TBCD: variants seen among roughly 807,000 people sequenced by gnomAD.
TBCD encodes the protein tubulin folding cofactor D, also known as tubulin-specific chaperone D.
TBCD carries 105 observed loss-of-function variants against 169.3 expected under a neutral mutation model. The observed-to-expected ratio is 0.62, with a 90% CI of 0.53 to 0.73. TBCD has a LOEUF of 0.73. Ranked by LOEUF, TBCD falls within the 30% of genes least tolerant of loss-of-function variation. TBCD has a pLI of 0.00. For missense variants in TBCD, 1,444 were observed against 1,600.1 expected, an observed-to-expected ratio of 0.90 and a Z score of 1.66; for synonymous variants, 700 against 643.9, an observed-to-expected ratio of 1.09 and a Z score of -1.32.
chr17:82,813,677 T>C (rs1394226340), intron 12 of TBCD, among the ~76,000 whole-genome samples: 1 of 152,242 alleles, frequency 6.6e-6, no homozygotes, highest in Non-Finnish European at 1.5e-5. Context: ...AACTAAATCT[T>C]TGTGAAAGGT....
At chr17:82,779,986 C>T (rs940179360) in intron 6 of TBCD, among the ~76,000 whole-genome samples, 6 of 152,156 alleles carry the variant, frequency 3.9e-5, no homozygotes, top group African/African-American at 7.2e-5. Context: ...GCATCACTGC[C>T]GTCTCCTTCC....
chr17:82,818,864 C>T (rs1369060145), intron 13 of TBCD, among the ~76,000 whole-genome samples: 6 of 152,128 alleles, frequency 3.9e-5, no homozygotes, highest in South Asian at 2.1e-4. Flanking sequence ...GCCAGGAGTT[C>T]GAGACCAGCC....
At position 82,807,651 on chromosome 17, in the gene TBCD, G is replaced by A. The variant is rs774118783; in HGVS notation, c.1131G>A (p.Arg377=). 9.7e-6 allele frequency: 15 copies of A among 1,551,102 alleles called. No individual in the cohort carries two copies. The highest frequency in any genetic ancestry group is 1.2e-5 in the Non-Finnish European group (14 of 1,147,172). ...TGAAGGACAAGGACACGGTCGTGCG[G>A]TGGTCTGCAGCCAAGGGGTAGGTGT... is the stretch of plus-strand genomic sequence containing the variant. The part of the protein sequence containing the change: ...VGLKDKDTVV[R]WSAAKGIGRM... The change falls in exon 11 of 39, where the codon CGG becomes CGA. Residue 377 remains arginine (R), a synonymous_variant. Transcript: ENST00000355528.
At chr17:82,840,513 C>T (rs978049921) in intron 13 of TBCD, 2 of 152,280 alleles carry the variant, frequency 1.3e-5, no homozygotes, top group Non-Finnish European at 2.9e-5. Flanking sequence ...CCACCCTCTA[C>T]CCTGCTCCTG....
chr17:82,896,962 G>A (rs2059532008), intron 17 of TBCD, among the ~76,000 whole-genome samples: 1 of 152,078 alleles, frequency 6.6e-6, no homozygotes, highest in African/African-American at 2.4e-5. Flanking sequence ...TGTCATGGGG[G>A]TGTGGGAGCA....
chr17:82,759,888 G>GTTT (rs71885635), intron 2 of TBCD, among the ~76,000 whole-genome samples: 1 of 121,496 alleles, frequency 8.2e-6, no homozygotes, highest in Non-Finnish European at 1.8e-5. Flanking sequence ...TCGTTTGTTT[G>GTTT]TTTTTTTTTT....
At chr17:82,772,308 A>T in intron 5 of TBCD, 144 bp from the exon 6 acceptor site, 2 of 780,102 alleles carry the variant, frequency 2.6e-6, no homozygotes, top group East Asian at 2.5e-5. Context: ...TTTTTTTTGC[A>T]GCTTTGGACT....
chr17:82,769,995 C>T (rs2048222960), intron 5 of TBCD, among the ~76,000 whole-genome samples: 1 of 151,974 alleles, frequency 6.6e-6, no homozygotes, highest in African/African-American at 2.4e-5. Flanking sequence ...CAATTCTTAC[C>T]CTCGTTTAAC....
chr17:82,928,249 A>G (rs752008758), intron 30 of TBCD, among the ~76,000 whole-genome samples: 5 of 152,270 alleles, frequency 3.3e-5, no homozygotes, highest in East Asian at 1.9e-4. Flanking sequence ...TGGGCCTCCA[A>G]CGGTGCTCTG....
intron 9 of TBCD, among the ~76,000 whole-genome samples, chr17:82,803,319 C>T (rs1052265565): frequency 6.6e-5 from 10 of 152,216 alleles, no homozygotes; most frequent in African/African-American, 1.4e-4. Context: ...CTTTCTCTCC[C>T]GTCCTGCTGG....
chr17:82,815,347 A>G (rs943345873), intron 13 of TBCD, among the ~76,000 whole-genome samples: 3 of 152,236 alleles, frequency 2.0e-5, no homozygotes, highest in Admixed American at 6.5e-5. Context: ...GGACACATGC[A>G]GTGGCACCTG....
chr17:82,878,549 G>C (rs185695989), intron 14 of TBCD, among the ~76,000 whole-genome samples: 1 of 32,854 alleles, frequency 3.0e-5, no homozygotes, highest in African/African-American at 6.8e-5. Context: ...GAGGTGACCT[G>C]CCCTCCTCCG....
chr17:82,797,860 C>T, intron 8 of TBCD, 58 bp downstream of exon 8: 1 of 1,289,468 alleles, frequency 7.8e-7, no homozygotes, highest in Non-Finnish European at 1.1e-6. Context: ...CATATACAAT[C>T]AAGTGTCTTT....
In TBCD at chr17:82,893,606, C is replaced by T. The variant is rs1448531261; in HGVS notation, c.1623C>T (p.Asn541=). ...LTTADYFAVG[N]RSNCFLVISV... ...CAGCTGACTATTTTGCCGTCGGTAACAGATCCAACTGTTTCCTGGTTATAA... is the reference window on the plus strand; with the variant it reads ...CAGCTGACTATTTTGCCGTCGGTAATAGATCCAACTGTTTCCTGGTTATAA... Residue 541 remains asparagine, a synonymous_variant, in exon 17 of 39, where the codon AAC becomes AAT. Coordinates refer to ENST00000355528, the MANE Select transcript of TBCD (RefSeq NM_005993.5). 1.9e-6 allele frequency: 3 copies of T among 1,610,886 alleles called. No homozygotes were observed. Among genetic ancestry groups the T allele is most frequent in the Non-Finnish European group, 2.5e-6 (3 of 1,178,506 alleles).
intron 17 of TBCD, among the ~76,000 whole-genome samples, chr17:82,896,802 G>T (rs1383152158): frequency 1.3e-5 from 2 of 152,142 alleles, no homozygotes; most frequent in Non-Finnish European, 2.9e-5. Flanking sequence ...CTTTCGGCGT[G>T]ATGGTGCCAC....
intron 13 of TBCD, among the ~76,000 whole-genome samples, chr17:82,854,070 C>A (rs1003441820): frequency 6.6e-5 from 10 of 152,124 alleles, no homozygotes; most frequent in African/African-American, 2.4e-4. Context: ...CTTAGCCTAC[C>A]CTCCAAGTAA....
intron 13 of TBCD, among the ~76,000 whole-genome samples, chr17:82,866,402 C>T (rs2057175810): frequency 6.6e-6 from 1 of 152,228 alleles, no homozygotes; most frequent in Admixed American, 6.5e-5. Flanking sequence ...CCCTCTCAAG[C>T]TGTTTTACTT....
Position 82,809,781 on chromosome 17 carries a change from A to G in TBCD, c.1222A>G (p.Ser408Gly). The G allele has an allele frequency of 6.2e-7, 1 of 1,613,174 alleles. No individual in the cohort carries two copies. Among genetic ancestry groups the G allele is most frequent in the Non-Finnish European group, 8.5e-7 (1 of 1,179,510 alleles). The change falls in exon 12 of 39, where the codon AGT (serine) becomes GGT (glycine). Residue 408 changes from serine to glycine, a missense_variant and splice_region_variant. Physicochemically the swap from Ser to Gly is moderately conservative, Grantham distance 56 (BLOSUM62 0). Transcript: ENST00000355528. ...DVVGSVLDCF[S>G]FQETDKAWHG... Reference sequence around the variant, plus strand: ...GGTCGGGTCTGTGCTGGACTGCTTCAGGTATGTGAGAAGAGCAGGGGAGGC... The same window carrying G: ...GGTCGGGTCTGTGCTGGACTGCTTCGGGTATGTGAGAAGAGCAGGGGAGGC...
chr17:82,866,222 C>T (rs1362489835), intron 13 of TBCD, among the ~76,000 whole-genome samples: 2 of 152,158 alleles, frequency 1.3e-5, no homozygotes, highest in Admixed American at 1.3e-4. Context: ...TGTTCAGGGT[C>T]CCGAGATGTC....
Sources: allele counts gnomAD v4.1 joint callset (sites outside exome capture counted in the v4.1 genomes callset), GRCh38; gene constraint gnomAD v4.1.1; transcripts MANE v1.5; gene names NCBI Gene and HGNC (gene_info 2026-07-23, HGNC 2026-07-21).